PSMD9: variants seen among roughly 807,000 people sequenced by gnomAD.
PSMD9 encodes 26S proteasome non-ATPase regulatory subunit 9.
In PSMD9, 26 loss-of-function variants were observed where a neutral mutation model predicts 25.9. The observed-to-expected ratio is 1.00, with a 90% CI of 0.73 to 1.39. The LOEUF is 1.39. Among genes scored for constraint, PSMD9 ranks in the 40% most tolerant of loss-of-function variants. The pLI, the probability that PSMD9 is intolerant of heterozygous loss-of-function variation, is 0.00. For missense variants in PSMD9, 303 were observed against 299.3 expected, an observed-to-expected ratio of 1.01 and a Z score of -0.09; for synonymous variants, 110 against 114.5, an observed-to-expected ratio of 0.96 and a Z score of 0.25.
chr12:121,902,857 G>T, intron 3 of PSMD9, 149 bp from the exon 4 acceptor site: 1 of 620,078 alleles, frequency 1.6e-6, no homozygotes, highest in Non-Finnish European at 2.9e-6. Flanking sequence ...CCTGCATGAG[G>T]TGTCTACATC....
At chr12:121,905,531 CT>C (rs35390390) in intron 4 of PSMD9, among the ~76,000 whole-genome samples, 6,208 of 142,836 alleles carry the variant, frequency 0.043, 481 homozygotes, top group African/African-American at 0.15. Context: ...GCCGAGTTTT[CT>C]TTTTTTTTTC....
At chr12:121,893,665 C>CT (rs1163461449) in intron 1 of PSMD9, among the ~76,000 whole-genome samples, 1 of 152,200 alleles carries the variant, frequency 6.6e-6, no homozygotes, top group Non-Finnish European at 1.5e-5. Flanking sequence ...GAACCTCTGC[C>CT]TGCATCTTCA....
Position 121,912,006 on chromosome 12 carries a change from CTTATTTATTTATTTATTTAT to C in PSMD9, c.556-3815_556-3796del, listed in dbSNP as rs71453586. ...CTTCCAGGTTTCTGGAATGAGCTTG[CTTATTTATTTATTTATTTAT>C]TTATTTATTTATTTATTTATTTATT... is the stretch of plus-strand genomic sequence containing the variant. On this transcript the variant is annotated intron_variant, in intron 4 of 5. Coordinates refer to ENST00000541212, the MANE Select transcript of PSMD9 (RefSeq NM_002813.7). Among the ~76,000 whole-genome samples the C allele has an allele frequency of 4.4e-3, 604 of 136,584 alleles. 4 individuals carry two copies. Among genetic ancestry groups the C allele is most frequent in the Non-Finnish European group, 6.9e-3 (444 of 64,500 alleles). 89.6% of individuals were successfully genotyped at this position (136,584 alleles called of 152,430 possible). A position where few individuals can be genotyped will look rare whatever the true frequency, so the allele number is the denominator to read the frequency against.
Position 121,901,666 on chromosome 12 carries a change from C to CTTTTTTTTTTTTTTTTTTTTTTTTTTTT in PSMD9, c.454-1313_454-1312insTTTTTTTTTTTTTTTTTTTTTTTTTTTT, listed in dbSNP as rs563939839. Among the ~76,000 whole-genome samples the CTTTTTTTTTTTTTTTTTTTTTTTTTTTT allele has an allele frequency of 2.1e-5, 2 of 93,610 alleles. 1 individual carries two copies. Among genetic ancestry groups the CTTTTTTTTTTTTTTTTTTTTTTTTTTTT allele is most frequent in the African/African-American group, 1.2e-4 (2 of 16,966 alleles). The allele number at this position is 93,610 out of a possible 152,430, so 61.4% of individuals were successfully genotyped here. On this transcript the variant is annotated intron_variant, in intron 3 of 5. Transcript: ENST00000541212. ...TGTCATGCCTGGCCCTTCATTCCTT[C>CTTTTTTTTTTTTTTTTTTTTTTTTTTTT]TTTTTTTTTTTTTTTTTTTTTTTTT... is the stretch of plus-strand genomic sequence containing the variant.
At chr12:121,901,197 C>A (rs147072806) in intron 3 of PSMD9, among the ~76,000 whole-genome samples, 125 of 152,208 alleles carry the variant, frequency 8.2e-4, no homozygotes, top group Non-Finnish European at 1.4e-3. Context: ...TTCCCAATCC[C>A]CCAGCTCCCC....
At chr12:121,915,966 A>C in intron 5 of PSMD9, 22 bp downstream of exon 5, 1 of 1,601,720 alleles carries the variant, frequency 6.2e-7, no homozygotes, top group South Asian at 1.1e-5. Context: ...GTTTCTGTTC[A>C]TTCTCACTGG....
intron 4 of PSMD9, among the ~76,000 whole-genome samples, chr12:121,911,641 T>G (rs557206859): frequency 6.6e-6 from 1 of 151,608 alleles, no homozygotes; most frequent in Admixed American, 6.6e-5. Flanking sequence ...AAAATTTTTT[T>G]TAACTTCAAT....
chr12:121,899,884 G>A, intron 3 of PSMD9, 39 bp downstream of exon 3: 1 of 1,609,034 alleles, frequency 6.2e-7, no homozygotes, highest in Non-Finnish European at 8.5e-7. Flanking sequence ...ATGCCCAGGG[G>A]ACACGGTGGG....
chr12:121,889,324 G>A (rs1565888589), intron 1 of PSMD9, among the ~76,000 whole-genome samples: 1 of 152,328 alleles, frequency 6.6e-6, no homozygotes, highest in East Asian at 1.9e-4. Context: ...TAGGGAGGGG[G>A]AAACAGGTGT....
chr12:121,907,256 G>C (rs1191672718), intron 4 of PSMD9, among the ~76,000 whole-genome samples: 1 of 152,104 alleles, frequency 6.6e-6, no homozygotes, highest in African/African-American at 2.4e-5. Context: ...TTTCAGTAGA[G>C]ATGGGGTTTC....
chr12:121,913,708 G>A (rs767995459), intron 4 of PSMD9, among the ~76,000 whole-genome samples: 5 of 151,394 alleles, frequency 3.3e-5, no homozygotes, highest in South Asian at 2.1e-4. Flanking sequence ...CTTTGTTGCC[G>A]GGCTGGTCTT....
At chr12:121,912,457 A>G (rs1415160871) in intron 4 of PSMD9, among the ~76,000 whole-genome samples, 1 of 152,106 alleles carries the variant, frequency 6.6e-6, no homozygotes, top group South Asian at 2.1e-4. Context: ...TTTCTGTTTC[A>G]TAATCAGTGT....
At chr12:121,899,929 A>G (rs2135723312) in intron 3 of PSMD9, 84 bp downstream of exon 3, 3 of 1,459,716 alleles carry the variant, frequency 2.1e-6, no homozygotes, top group East Asian at 4.6e-5. Context: ...AAGACAGACT[A>G]GTTCTCTCCG....
Position 121,900,094 on chromosome 12 carries a change from T to C in PSMD9, c.453+249T>C, listed in dbSNP as rs1004472586. On this transcript the variant is annotated intron_variant, in intron 3 of 5. Coordinates refer to ENST00000541212, the MANE Select transcript of PSMD9 (RefSeq NM_002813.7). ...GTGACCTCTTCCCAGTGACAGAAGA[T>C]GATAAATGTCCCAAGAGAGGGAGAG... Among the ~76,000 whole-genome samples, 5 of 152,102 alleles carry C rather than the reference T, an allele frequency of 3.3e-5. No homozygotes were observed. The South Asian group carries it at 6.2e-4, about 19-fold the overall frequency.
rs77203431 is a variant in PSMD9, at chr12:121,915,645, G to A, written c.556-211G>A. 1,064 of 527,228 alleles carry A rather than the reference G, an allele frequency of 2.0e-3. 12 individuals are homozygous for A. The highest frequency in any genetic ancestry group is 0.019 in the African/African-American group (974 of 52,390). 32.7% of individuals were successfully genotyped at this position (527,228 alleles called of 1,614,324 possible). A position where few individuals can be genotyped will look rare whatever the true frequency, so the allele number is the denominator to read the frequency against. On this transcript the variant is annotated intron_variant, in intron 4 of 5. Transcript: ENST00000541212. ...TTAAAGATCGTTGGTGGTGGGACAC[G>A]TGTTTTTTGAGGAAGATGGTACTGA...
rs549266907 is a variant in PSMD9, at chr12:121,917,348, T to G, written c.*1037T>G. On this transcript the variant is annotated 3_prime_UTR_variant, in exon 6 of 6. Coordinates refer to ENST00000541212, the MANE Select transcript of PSMD9 (RefSeq NM_002813.7). ...GCTATGCCCTGAGATCAGCGCTATT[T>G]TGTAAACCGCTGAGGTATGGATAGG... 1.3e-5 allele frequency: 2 copies of G among 152,402 alleles called. No homozygotes were observed. The highest frequency in any genetic ancestry group is 2.9e-5 in the Non-Finnish European group (2 of 68,060). 9.4% of individuals were successfully genotyped at this position (152,402 alleles called of 1,614,324 possible).
intron 4 of PSMD9, among the ~76,000 whole-genome samples, chr12:121,906,858 T>C (rs1252674439): frequency 4.0e-5 from 6 of 148,920 alleles, no homozygotes; most frequent in Middle Eastern, 3.5e-3. Flanking sequence ...TCCAGCTACT[T>C]GGGAGGCCGA....
intron 4 of PSMD9, among the ~76,000 whole-genome samples, chr12:121,903,860 G>A (rs1458068689): frequency 6.6e-6 from 1 of 151,468 alleles, no homozygotes; most frequent in Non-Finnish European, 1.5e-5. Flanking sequence ...ATTTTGTGGA[G>A]GCGGGGTCTT....
intron 3 of PSMD9, 74 bp from the exon 4 acceptor site, chr12:121,902,932 G>A (rs1156507410): frequency 2.5e-6 from 3 of 1,190,122 alleles, no homozygotes; most frequent in Non-Finnish European, 3.8e-6. Context: ...ATTAAATTGG[G>A]TATTGAAGGT....
Sources: allele counts gnomAD v4.1 joint callset (sites outside exome capture counted in the v4.1 genomes callset), GRCh38; gene constraint gnomAD v4.1.1; transcripts MANE v1.5; gene names NCBI Gene and HGNC (gene_info 2026-07-23, HGNC 2026-07-21).